TTC28: variants seen among roughly 807,000 people sequenced by gnomAD.
TTC28 encodes tetratricopeptide repeat protein 28.
A neutral mutation model predicts 198.0 loss-of-function variants in TTC28; 61 were observed. That is an observed-to-expected ratio of 0.31 (90% CI 0.25 to 0.38). The LOEUF (loss-of-function observed/expected upper bound fraction) is 0.38. TTC28 is among the 10% of genes least tolerant of loss of function. The pLI, the probability that TTC28 is intolerant of heterozygous loss-of-function variation, is 1.00. For missense variants in TTC28, 2,678 were observed against 3,164.0 expected (o/e 0.85, Z 3.69); for synonymous variants, 1,171 against 1,297.8 (o/e 0.90, Z 2.10).
chr22:28,003,270 G>A (rs1444088829), intron 14 of TTC28, among the ~76,000 whole-genome samples: 3 of 152,166 alleles, frequency 2.0e-5, no homozygotes, highest in Non-Finnish European at 4.4e-5. Context: ...AGGTGTGCCA[G>A]TGAACCTCGA....
At chr22:28,264,328 C>A (rs2147307823) in intron 5 of TTC28, among the ~76,000 whole-genome samples, 1 of 152,256 alleles carries the variant, frequency 6.6e-6, no homozygotes, top group East Asian at 1.9e-4. Context: ...AGAGGCCTCC[C>A]CAGCCATGTG....
intron 12 of TTC28, among the ~76,000 whole-genome samples, chr22:28,042,186 T>C (rs1377670878): frequency 6.6e-6 from 1 of 152,084 alleles, no homozygotes; most frequent in Non-Finnish European, 1.5e-5. Context: ...TCCTCAAGGA[T>C]CTAGAACTAG....
intron 6 of TTC28, among the ~76,000 whole-genome samples, chr22:28,146,972 A>G (rs1247450844): frequency 2.0e-5 from 3 of 152,230 alleles, no homozygotes; most frequent in Non-Finnish European, 4.4e-5. Context: ...ATTCACTCCC[A>G]GAGTAACTTA....
At chr22:28,522,405 T>C (rs1412632068) in intron 2 of TTC28, among the ~76,000 whole-genome samples, 3 of 152,066 alleles carry the variant, frequency 2.0e-5, no homozygotes, top group South Asian at 2.1e-4. Context: ...GGAGAATCTC[T>C]TGGACCCAGG....
Position 27,989,910 on chromosome 22 carries a change from A to G in TTC28, c.5675T>C (p.Leu1892Pro). 1.9e-6 allele frequency: 3 copies of G among 1,551,252 alleles called. No individual in the cohort carries two copies. Among genetic ancestry groups the G allele is most frequent in the Non-Finnish European group, 2.6e-6 (3 of 1,146,820 alleles). Residue 1892 changes from leucine (L) to proline (P), a missense_variant, in exon 21 of 23, where the codon CTC (leucine) becomes CCC (proline). Leu to Pro is a moderately conservative substitution (Grantham distance 98, BLOSUM62 -3). Transcript: ENST00000397906. ...QVSISVQLWR[L>P]PGCHEFLAAL... Reference sequence around the variant, plus strand: ...TGCCAGGAACTCGTGGCATCCCGGGAGCCGCCACAGCTGGACGCTGATGGA... The same window carrying G: ...TGCCAGGAACTCGTGGCATCCCGGGGGCCGCCACAGCTGGACGCTGATGGA...
In TTC28 at chr22:28,460,687, G is replaced by A. The variant is rs1308246737; in HGVS notation, c.382-154044C>T. ...GATAGACAGACAGACAGATAGATAG[G>A]CAGGCAGGCAGATTGAGATGGGGTC... is the stretch of plus-strand genomic sequence containing the variant. On this transcript the variant is annotated intron_variant, in intron 2 of 22. Coordinates refer to ENST00000397906, the MANE Select transcript of TTC28 (RefSeq NM_001145418.2). 1.3e-5 allele frequency among the ~76,000 whole-genome samples: 2 copies of A among 151,622 alleles called. 1 individual carries two copies. The highest frequency in any genetic ancestry group is 2.9e-5 in the Non-Finnish European group (2 of 67,882).
At chr22:28,329,678 G>C (rs1033265967) in intron 2 of TTC28, among the ~76,000 whole-genome samples, 3 of 152,006 alleles carry the variant, frequency 2.0e-5, no homozygotes, top group African/African-American at 4.8e-5. Context: ...TTCTTTCTCT[G>C]TTTTTGTTTT....
chr22:28,416,710 T>C (rs1487075852), intron 2 of TTC28, among the ~76,000 whole-genome samples: 2 of 152,156 alleles, frequency 1.3e-5, no homozygotes, highest in African/African-American at 4.8e-5. Flanking sequence ...TCACAACCCA[T>C]TCGGGAAAGC....
chr22:28,590,089 C>T (rs1024533578), intron 2 of TTC28, among the ~76,000 whole-genome samples: 10 of 144,282 alleles, frequency 6.9e-5, no homozygotes, highest in African/African-American at 2.6e-4. Context: ...CTATAACTTC[C>T]TATTTGATTT....
At chr22:28,505,256 C>CAA (rs35503278) in intron 2 of TTC28, among the ~76,000 whole-genome samples, 1,182 of 74,020 alleles carry the variant, frequency 0.016, 24 homozygotes, top group African/African-American at 0.022. Context: ...GACTCCGTCT[C>CAA]AAAAAAAAAA....
intron 2 of TTC28, among the ~76,000 whole-genome samples, chr22:28,587,953 A>C (rs1394014731): frequency 1.3e-5 from 2 of 151,874 alleles, no homozygotes; most frequent in Admixed American, 1.3e-4. Flanking sequence ...CATCCTGGCT[A>C]ACATGGTGAA....
intron 1 of TTC28, among the ~76,000 whole-genome samples, chr22:28,678,405 C>G (rs1569096106): frequency 6.6e-6 from 1 of 152,068 alleles, no homozygotes; most frequent in East Asian, 1.9e-4. Context: ...GAACGAGTCT[C>G]GCTATGTTTC....
chr22:28,126,981 C>T (rs553717110), intron 6 of TTC28, among the ~76,000 whole-genome samples: 1 of 152,342 alleles, frequency 6.6e-6, no homozygotes, highest in East Asian at 1.9e-4. Context: ...ATCCTCCTGC[C>T]TCAGCCTCCT....
At chr22:28,471,005 T>G (rs1347713463) in intron 2 of TTC28, among the ~76,000 whole-genome samples, 1 of 152,154 alleles carries the variant, frequency 6.6e-6, no homozygotes, top group Non-Finnish European at 1.5e-5. Flanking sequence ...TCTTAGACGC[T>G]CAGTACAAAA....
At chr22:28,663,139 T>C (rs2051776178) in intron 1 of TTC28, among the ~76,000 whole-genome samples, 1 of 150,892 alleles carries the variant, frequency 6.6e-6, no homozygotes. Flanking sequence ...TCCCAGCTAC[T>C]CGGAAGGCTG....
chr22:28,095,699 G>A (rs1184774491), intron 11 of TTC28, among the ~76,000 whole-genome samples: 1 of 152,170 alleles, frequency 6.6e-6, no homozygotes, highest in East Asian at 1.9e-4. Context: ...TAGATTTACA[G>A]CAGAACTGGT....
rs1937001603 is a variant in TTC28, at chr22:27,981,229, A to ATTTTTTTTTTTT, written c.*991_*992insAAAAAAAAAAAA. 7 of 72,684 alleles carry ATTTTTTTTTTTT rather than the reference A, an allele frequency of 9.6e-5. 1 individual carries two copies. Among genetic ancestry groups the ATTTTTTTTTTTT allele is most frequent in the African/African-American group, 2.4e-4 (5 of 20,420 alleles). The allele number at this position is 72,684 out of a possible 1,614,324, so 4.5% of individuals were successfully genotyped here. ...CTGGTTAAATCTAGTTAGCCATGGA[A>ATTTTTTTTTTTT]ATTTTTTTTTTTTTTTTTTTTTTTT... On this transcript the variant is annotated 3_prime_UTR_variant, in exon 23 of 23. Coordinates refer to ENST00000397906, the MANE Select transcript of TTC28 (RefSeq NM_001145418.2).
At chr22:28,229,541 T>C (rs1156539229) in intron 5 of TTC28, among the ~76,000 whole-genome samples, 1 of 152,256 alleles carries the variant, frequency 6.6e-6, no homozygotes, top group Non-Finnish European at 1.5e-5. Flanking sequence ...CTAATTTCAC[T>C]ATTTTGTTAT....
At chr22:28,658,732 C>G (rs1254704292) in intron 1 of TTC28, among the ~76,000 whole-genome samples, 4 of 152,168 alleles carry the variant, frequency 2.6e-5, no homozygotes, top group African/African-American at 7.2e-5. Flanking sequence ...CGCAGTGGCT[C>G]ATGCCTGTAA....
Sources: allele counts gnomAD v4.1 joint callset (sites outside exome capture counted in the v4.1 genomes callset), GRCh38; gene constraint gnomAD v4.1.1; transcripts MANE v1.5; gene names NCBI Gene and HGNC (gene_info 2026-07-23, HGNC 2026-07-21).